The following PDE4DIP variants were observed in gnomAD, a reference collection of about 807,000 sequenced individuals.
PDE4DIP encodes the protein myomegalin.
Under a neutral mutation model 221.4 loss-of-function variants are expected in PDE4DIP, and 59 were observed. That is an observed-to-expected ratio of 0.27 (90% CI 0.22 to 0.33). The LOEUF (loss-of-function observed/expected upper bound fraction) is 0.33, where lower values mean the gene tolerates loss of function less well. Ranked by LOEUF, PDE4DIP falls within the 10% of genes least tolerant of loss-of-function variation. The probability of loss-of-function intolerance (pLI) is 1.00; values close to 1 mark genes in which losing one functional copy is unlikely to be tolerated. For synonymous variants in PDE4DIP, 404 were observed against 815.9 expected (o/e 0.50, Z 8.60); for missense variants, 1,036 against 2,154.2 (o/e 0.48, Z 10.28).
exon 24 of PDE4DIP, chr1:149,001,894 A>G (rs1553578327): frequency 1.2e-6 from 2 of 1,614,030 alleles, no homozygotes. Context: ...GCACCATTGA[A>G]AGAATAAACA....
At chr1:148,889,266 C>T (rs12141448), upstream of PDE4DIP, 2,206 of 386,956 alleles carry the variant, frequency 5.7e-3, 2 homozygotes, top group South Asian at 1.0e-2. Flanking sequence ...AGCCACAAGT[C>T]ATTTAAATAC....
chr1:148,925,581 A>G (rs1287877640), intron 1 of PDE4DIP, among the ~76,000 whole-genome samples: 2 of 150,648 alleles, frequency 1.3e-5, no homozygotes, highest in Non-Finnish European at 3.0e-5. Flanking sequence ...GTACTAATTT[A>G]TGTCCTCTGT....
intron 23 of PDE4DIP, 54 bp downstream of exon 26, chr1:148,998,429 C>A (rs879963741): frequency 6.7e-6 from 6 of 889,456 alleles, no homozygotes; most frequent in African/African-American, 1.7e-5. Context: ...GCACCACAGC[C>A]AAGGGGTGCC....
chr1:148,833,693 C>T (rs1553371263), intron 1 of PDE4DIP, among the ~76,000 whole-genome samples: 1 of 10,544 alleles, frequency 9.5e-5, no homozygotes, highest in Middle Eastern at 0.024. Context: ...TCATTATGTA[C>T]CCAGTAGTCA....
chr1:149,021,502 T>A (rs2072916122), intron 37 of PDE4DIP: 1 of 171,858 alleles, frequency 5.8e-6, no homozygotes, highest in African/African-American at 2.4e-5. Context: ...TGACAACCCA[T>A]TCAGCCCAAT....
At chr1:148,989,612 A>G (rs2062609762) in intron 21 of PDE4DIP, among the ~76,000 whole-genome samples, 1 of 152,144 alleles carries the variant, frequency 6.6e-6, no homozygotes, top group Non-Finnish European at 1.5e-5. Flanking sequence ...CCCAGCAACA[A>G]TGGTAGGGGA....
chr1:149,022,873 G>A (rs1187360886), intron 37 of PDE4DIP, among the ~76,000 whole-genome samples: 3 of 151,852 alleles, frequency 2.0e-5, no homozygotes, highest in Non-Finnish European at 2.9e-5. Context: ...TGGGTCTAGT[G>A]ATATTCTGGC....
intron 1 of PDE4DIP, among the ~76,000 whole-genome samples, chr1:148,890,379 TG>T (rs1698024058): frequency 1.3e-5 from 2 of 150,778 alleles, no homozygotes; most frequent in Non-Finnish European, 3.0e-5. Flanking sequence ...CACCAACTCT[TG>T]GGCTCAAGTG....
intron 1 of PDE4DIP, among the ~76,000 whole-genome samples, chr1:148,927,308 A>C (rs587604128): frequency 6.6e-6 from 1 of 152,120 alleles, no homozygotes; most frequent in South Asian, 2.1e-4. Flanking sequence ...AAAGGTACCT[A>C]CTTATGAGGG....
chr1:148,963,748 C>CTTTTTTTTTTTTTTTTTTTTTTTTTTT (rs66921099), intron 9 of PDE4DIP, among the ~76,000 whole-genome samples: 1 of 89,096 alleles, frequency 1.1e-5, no homozygotes, highest in Non-Finnish European at 2.1e-5. Flanking sequence ...TTCTTTCCTT[C>CTTTTTTTTTTTTTTTTTTTTTTTTTTT]TTTTTTTTTT....
chr1:149,032,311 G>A, exon 44 of PDE4DIP: 1 of 586,590 alleles, frequency 1.7e-6, no homozygotes, highest in African/African-American at 1.9e-5. Flanking sequence ...TTGGGAACTA[G>A]CAAGAGCACA....
At position 148,939,632 on chromosome 1, in the gene PDE4DIP, G is replaced by A. The variant is rs1301000644; in HGVS notation, c.636+1768G>A. ...TATGAATACAAATTGAAGTTCATAG[G>A]CTTTTTGCAAGATACATGTTGAAAT... On this transcript the variant is annotated intron_variant, in intron 5 of 43. Transcript: ENST00000369354. 4 of 151,796 alleles carry A rather than the reference G, an allele frequency of 2.6e-5. No homozygotes were observed. The East Asian group carries it at 5.8e-4, about 22-fold the overall frequency. 9.4% of individuals were successfully genotyped at this position (151,796 alleles called of 1,614,324 possible).
chr1:148,963,847 G>A (rs183354767), intron 9 of PDE4DIP, among the ~76,000 whole-genome samples: 58 of 133,204 alleles, frequency 4.4e-4, no homozygotes, highest in Middle Eastern at 4.3e-3. Flanking sequence ...TCCGCCTCTC[G>A]GGTTCACGCC....
chr1:148,925,704 G>T (rs1315380433), intron 1 of PDE4DIP, among the ~76,000 whole-genome samples: 2 of 151,568 alleles, frequency 1.3e-5, no homozygotes, highest in Non-Finnish European at 2.9e-5. Context: ...ACAGCTGTGT[G>T]CAAGGCATTG....
At position 148,859,792 on chromosome 1, in the gene PDE4DIP, T is replaced by TCGTG. The variant is rs1239476009; in HGVS notation, c.234-3458_234-3457insCGTG. ...GAATGTACCAACATATATTACCACT[T>TCGTG]TGTGTGTGTGTGTGTGTGTGTGTGT... On this transcript the variant is annotated intron_variant, in intron 1 of 45. Transcript: ENST00000524974. Among the ~76,000 whole-genome samples, 14 of 113,074 alleles carry TCGTG rather than the reference T, an allele frequency of 1.2e-4. 1 individual carries two copies. The highest frequency in any genetic ancestry group is 5.2e-4 in the African/African-American group (14 of 26,742). The allele number at this position is 113,074 out of a possible 152,430, so 74.2% of individuals were successfully genotyped here. A position where few individuals can be genotyped will look rare whatever the true frequency, so the allele number is the denominator to read the frequency against.
rs782435123 is a variant in PDE4DIP at position 148,953,060 on chromosome 1, G to T, written c.637-7594G>T. 4.3e-6 allele frequency: 7 copies of T among 1,614,030 alleles called. No individual in the cohort carries two copies. The East Asian group carries it at 1.3e-4, about 31-fold the overall frequency. The stretch of plus-strand genomic sequence containing the variant: ...GAAGGATCGCCTCAAGTTCTGCATT[G>T]CCAGTATGTATCGGAAGAATAACGA... On this transcript the variant is annotated intron_variant, in intron 5 of 43. Transcript: ENST00000369354.
rs146047382 is a variant in PDE4DIP at position 148,962,565 on chromosome 1, A to G, written c.1119A>G (p.Lys373=). ...AAGAGCGCCAACTGGCTGATGCCAA[A>G]CAATGTGTGCAATTTGTAGAGGCTG... is the stretch of plus-strand genomic sequence containing the variant. Residue 373 remains lysine, a synonymous_variant, in exon 9 of 44, where the codon AAA becomes AAG. Coordinates refer to ENST00000369354, the Ensembl canonical transcript of PDE4DIP. 3.5e-4 allele frequency: 223 copies of G among 628,930 alleles called. No individual in the cohort carries two copies. The African/African-American group carries it at 4.0e-3, about 11-fold the overall frequency. The allele number at this position is 628,930 out of a possible 1,614,324, so 39.0% of individuals were successfully genotyped here.
intron 37 of PDE4DIP, chr1:149,021,613 C>T (rs2152724975): frequency 6.6e-6 from 1 of 151,798 alleles, no homozygotes; most frequent in Admixed American, 6.6e-5. Flanking sequence ...GATTTAGTTT[C>T]CTGATTTTCT....
intron 43 of PDE4DIP, among the ~76,000 whole-genome samples, chr1:149,031,485 G>T (rs1201502683): frequency 1.3e-5 from 2 of 151,984 alleles, no homozygotes; most frequent in African/African-American, 4.8e-5. Context: ...TGTGGACTTG[G>T]CCCCTCCACA....
Sources: gnomAD v4.1 joint callset for allele counts (sites outside exome capture counted in the v4.1 genomes callset) on GRCh38, gnomAD v4.1.1 for gene constraint, MANE v1.5 for transcripts, NCBI Gene and HGNC (gene_info 2026-07-23, HGNC 2026-07-21) for gene names.